The following IFT74 variants were observed in gnomAD, a reference collection of about 807,000 sequenced individuals.
IFT74 encodes the protein intraflagellar transport protein 74 homolog.
IFT74 carries 92 observed loss-of-function variants against 96.7 expected under a neutral mutation model. The observed-to-expected ratio is 0.95, with a 90% confidence interval of 0.80 to 1.13. The LOEUF (loss-of-function observed/expected upper bound fraction) is 1.13. Ranked by LOEUF, IFT74 falls within the 50% of genes most tolerant of loss-of-function variation. The pLI, the probability that IFT74 is intolerant of heterozygous loss-of-function variation, is 0.00. For missense variants in IFT74, 811 were observed against 698.2 expected (o/e 1.16, Z -1.82); for synonymous variants, 223 against 213.2 (o/e 1.05, Z -0.40).
chr9:26,964,011 TG>T (rs1214316852), intron 2 of IFT74, among the ~76,000 whole-genome samples: 1 of 150,424 alleles, frequency 6.6e-6, no homozygotes, highest in African/African-American at 2.5e-5. Flanking sequence ...CCATTGCTTT[TG>T]GTGTTTTAGA....
chr9:27,051,042 AT>A (rs1228126137), intron 16 of IFT74, among the ~76,000 whole-genome samples: 16 of 152,126 alleles, frequency 1.1e-4, no homozygotes, highest in African/African-American at 3.9e-4. Flanking sequence ...TAGTGTGACT[AT>A]TTATGCTTTT....
intron 2 of IFT74, chr9:26,976,693 G>C (rs1364268278): frequency 2.2e-6 from 1 of 450,352 alleles, no homozygotes; most frequent in Non-Finnish European, 4.4e-6. Context: ...GAAAGGCAGG[G>C]GGTACCTGGA....
chr9:27,008,131 G>A (rs1828878593), intron 8 of IFT74, among the ~76,000 whole-genome samples: 1 of 152,156 alleles, frequency 6.6e-6, no homozygotes, highest in East Asian at 1.9e-4. Context: ...AAAAATTTGT[G>A]AAATAGCAAT....
intron 9 of IFT74, among the ~76,000 whole-genome samples, chr9:27,009,360 G>C (rs1828940733): frequency 6.6e-6 from 1 of 152,084 alleles, no homozygotes; most frequent in Admixed American, 6.6e-5. Context: ...TTCATCTGCT[G>C]TTTGATGACC....
chr9:27,061,633 G>A (rs1055505107), intron 19 of IFT74, among the ~76,000 whole-genome samples: 25 of 149,856 alleles, frequency 1.7e-4, no homozygotes, highest in African/African-American at 6.1e-4. Flanking sequence ...TTCTCATAGT[G>A]TTGGGAGAAT....
intron 1 of IFT74, among the ~76,000 whole-genome samples, chr9:26,961,382 G>A (rs529245976): frequency 6.6e-6 from 1 of 152,114 alleles, no homozygotes; most frequent in Non-Finnish European, 1.5e-5. Context: ...TTGCCACTGC[G>A]CCTGGCCTCT....
upstream of IFT74, among the ~76,000 whole-genome samples, chr9:26,953,878 T>C (rs1349536986): frequency 6.6e-6 from 1 of 152,168 alleles, no homozygotes; most frequent in African/African-American, 2.4e-5. Context: ...TTTGTTAACA[T>C]TTTTCTTCTG....
At chr9:26,984,618 C>A in intron 6 of IFT74, 59 bp downstream of exon 6, 1 of 1,327,814 alleles carries the variant, frequency 7.5e-7, no homozygotes, top group Non-Finnish European at 1.1e-6. Flanking sequence ...TTTACTACTG[C>A]TTTAAAAATA....
Position 27,062,703 on chromosome 9 carries a change from C to T in IFT74, c.1770C>T (p.Ile590=), listed in dbSNP as rs767617338. The change falls in exon 20 of 20, where the codon ATC becomes ATT. Residue 590 remains isoleucine (I), a synonymous_variant. Coordinates refer to ENST00000380062, the MANE Select transcript of IFT74 (RefSeq NM_025103.4). The part of the protein sequence containing the change: ...TKQIAEYNKT[I]VDALHSTSGN ...AGATTGCAGAGTACAATAAAACCAT[C>T]GTGGATGCTTTACATAGCACCAGCG... is the stretch of plus-strand genomic sequence containing the variant. 31 of 1,603,792 alleles carry T rather than the reference C, an allele frequency of 1.9e-5. No individual in the cohort carries two copies. The highest frequency in any genetic ancestry group is 4.0e-5 in the African/African-American group (3 of 74,382).
chr9:27,047,805 CA>C (rs967289566), intron 15 of IFT74, among the ~76,000 whole-genome samples: 3 of 151,986 alleles, frequency 2.0e-5, no homozygotes, highest in Non-Finnish European at 2.9e-5. Context: ...CTCAAATTAT[CA>C]AAAAATGTTT....
intron 8 of IFT74, chr9:26,999,774 T>A: frequency 5.9e-6 from 4 of 672,982 alleles, no homozygotes; most frequent in Non-Finnish European, 6.5e-6. Flanking sequence ...TTTATTCTTT[T>A]TTTTTTTTTT....
At chr9:27,030,009 A>G (rs911379041) in intron 13 of IFT74, among the ~76,000 whole-genome samples, 1 of 151,878 alleles carries the variant, frequency 6.6e-6, no homozygotes, top group Non-Finnish European at 1.5e-5. Flanking sequence ...CTATGTAGAA[A>G]TACTGTGGTG....
chr9:26,995,463 C>T, intron 8 of IFT74: 1 of 987,790 alleles, frequency 1.0e-6, no homozygotes, highest in Non-Finnish European at 1.5e-6. Flanking sequence ...AGCAAAATCT[C>T]CATATCTAAA....
At chr9:26,955,380 T>C (rs1433377348), upstream of IFT74, among the ~76,000 whole-genome samples, 5 of 152,166 alleles carry the variant, frequency 3.3e-5, no homozygotes, top group Non-Finnish European at 7.4e-5. Flanking sequence ...AAGTCCTGCT[T>C]CTGGTTGTCA....
At chr9:27,059,666 C>G (rs1820330566) in intron 18 of IFT74, among the ~76,000 whole-genome samples, 1 of 152,182 alleles carries the variant, frequency 6.6e-6, no homozygotes, top group Non-Finnish European at 1.5e-5. Flanking sequence ...ACAGCACATA[C>G]AGTTCACATA....
intron 12 of IFT74, among the ~76,000 whole-genome samples, chr9:27,025,201 T>C (rs888987319): frequency 2.6e-5 from 4 of 151,786 alleles, no homozygotes; most frequent in African/African-American, 7.3e-5. Flanking sequence ...TCCCAGCACT[T>C]TGGGAGGCCG....
chr9:27,048,188 A>C lies in IFT74; in HGVS notation c.1247A>C (p.Gln416Pro). Residue 416 changes from glutamine (Q) to proline (P), a missense_variant, in exon 16 of 20, where the codon CAA becomes CCA. Transcript: ENST00000380062. Reference sequence around the variant, plus strand: ...GAACAGATATCCTCTATCACCAATCAAGAGCTAAAGATGATGCAGGATGAC... The same window carrying C: ...GAACAGATATCCTCTATCACCAATCCAGAGCTAAAGATGATGCAGGATGAC... ...RIEQISSITN[Q>P]ELKMMQDDLN... The C allele has an allele frequency of 6.3e-7, 1 of 1,599,612 alleles. No homozygotes were observed. Among genetic ancestry groups the C allele is most frequent in the African/African-American group, 1.3e-5 (1 of 74,762 alleles).
rs538608388 is a variant in IFT74 at position 27,020,615 on chromosome 9, C to T, written c.974+1928C>T. Among the ~76,000 whole-genome samples, 5 of 151,896 alleles carry T rather than the reference C, an allele frequency of 3.3e-5. No individual in the cohort carries two copies. In the East Asian group the frequency reaches 9.7e-4, roughly 29 times the overall value. ...TCAGCCTCCCCAGTAGCTGGGACTACAGGCGCCCGCCACTGCGCCTGGCTA... is the reference window on the plus strand; with the variant it reads ...TCAGCCTCCCCAGTAGCTGGGACTATAGGCGCCCGCCACTGCGCCTGGCTA... On this transcript the variant is annotated intron_variant, in intron 12 of 19. Coordinates refer to ENST00000380062, the MANE Select transcript of IFT74 (RefSeq NM_025103.4).
intron 8 of IFT74, among the ~76,000 whole-genome samples, chr9:27,008,147 C>T (rs1030854075): frequency 2.0e-5 from 3 of 152,134 alleles, no homozygotes; most frequent in African/African-American, 7.2e-5. Flanking sequence ...GCAATGTTAA[C>T]TAAAGCAGTA....
Sources: allele counts gnomAD v4.1 joint callset (sites outside exome capture counted in the v4.1 genomes callset), GRCh38; gene constraint gnomAD v4.1.1; transcripts MANE v1.5; gene names NCBI Gene and HGNC (gene_info 2026-07-23, HGNC 2026-07-21).